Variants in CNTLN observed in about 807,000 individuals in gnomAD.
The protein encoded by CNTLN is centlein.
A neutral mutation model predicts 180.0 loss-of-function variants in CNTLN; 212 were observed. The ratio of observed to expected loss-of-function variants is 1.18; its 90% CI spans 1.05 to 1.32. CNTLN has a LOEUF of 1.32. Among genes scored for constraint, CNTLN ranks in the 40% most tolerant of loss-of-function variants. The probability of loss-of-function intolerance (pLI) is 0.00; values close to 1 mark genes in which losing one functional copy is unlikely to be tolerated. For synonymous variants in CNTLN, 722 were observed against 563.1 expected, an observed-to-expected ratio of 1.28 and a Z score of -3.99; for missense variants, 2,095 against 1,610.9, an observed-to-expected ratio of 1.30 and a Z score of -5.14.
intron 2 of CNTLN, among the ~76,000 whole-genome samples, chr9:17,180,835 A>ATTCTT (rs1201408016): frequency 6.6e-6 from 1 of 151,686 alleles, no homozygotes; most frequent in Non-Finnish European, 1.5e-5. Context: ...TTGTGCGTTG[A>ATTCTT]TTCTTTTCTT....
intron 18 of CNTLN, among the ~76,000 whole-genome samples, chr9:17,439,173 T>C (rs1177649995): frequency 6.6e-6 from 1 of 152,154 alleles, no homozygotes; most frequent in Non-Finnish European, 1.5e-5. Flanking sequence ...TAACTTAGGC[T>C]CAAAATAAAT....
At chr9:17,423,747 G>A (rs1013762247) in intron 18 of CNTLN, among the ~76,000 whole-genome samples, 2 of 152,096 alleles carry the variant, frequency 1.3e-5, no homozygotes, top group African/African-American at 4.8e-5. Flanking sequence ...CCTCTAGGGC[G>A]GGGATAGTTT....
intron 22 of CNTLN, among the ~76,000 whole-genome samples, 163 bp from the exon 23 acceptor site, chr9:17,466,543 A>G (rs2134212011): frequency 6.6e-6 from 1 of 151,728 alleles, no homozygotes; most frequent in Admixed American, 6.6e-5. Flanking sequence ...ATATGTACTT[A>G]GGATGTTTTA....
intron 3 of CNTLN, among the ~76,000 whole-genome samples, chr9:17,234,764 A>G (rs1029338882): frequency 4.6e-5 from 7 of 152,178 alleles, no homozygotes; most frequent in Admixed American, 3.9e-4. Flanking sequence ...GAGGCTTCCA[A>G]TAATTGTGTG....
At chr9:17,288,930 A>G (rs1829176102) in intron 6 of CNTLN, among the ~76,000 whole-genome samples, 1 of 115,126 alleles carries the variant, frequency 8.7e-6, no homozygotes. Context: ...TTTCCTGAAT[A>G]CAGCACACTG....
In CNTLN at chr9:17,502,897, A is replaced by G. The variant is rs1360783143; in HGVS notation, c.*245A>G. 1 of 216,342 alleles carries G rather than the reference A, an allele frequency of 4.6e-6. No individual in the cohort carries two copies. Among genetic ancestry groups the G allele is most frequent in the Non-Finnish European group, 9.0e-6 (1 of 111,030 alleles). The allele number at this position is 216,342 out of a possible 1,614,324, so 13.4% of individuals were successfully genotyped here. A position where few individuals can be genotyped will look rare whatever the true frequency, so the allele number is the denominator to read the frequency against. ...ACAAATATTGCCACAAATCAGTGCA[A>G]ACTTAAAAATGATTTTCCTTCTAGT... On this transcript the variant is annotated 3_prime_UTR_variant, in exon 26 of 26. Transcript: ENST00000380647.
In CNTLN at chr9:17,238,442, A is replaced by G. The variant is rs577734724; in HGVS notation, c.849+1854A>G. Among the ~76,000 whole-genome samples, 7 of 152,304 alleles carry G rather than the reference A, an allele frequency of 4.6e-5. No homozygotes were observed. The South Asian group carries it at 1.5e-3, about 32-fold the overall frequency. ...CTTTCTCCCATGAAGCATGGTCATA[A>G]AAGAATTCTCATAGCTACCTTCCTG... On this transcript the variant is annotated intron_variant, in intron 5 of 25. Coordinates refer to ENST00000380647, the MANE Select transcript of CNTLN (RefSeq NM_017738.4).
intron 2 of CNTLN, among the ~76,000 whole-genome samples, chr9:17,202,790 A>G (rs1822640956): frequency 1.3e-5 from 2 of 151,056 alleles, no homozygotes; most frequent in Admixed American, 6.6e-5. Flanking sequence ...ACTCTAACCA[A>G]TTTCCCAGTC....
intron 2 of CNTLN, 43 bp downstream of exon 2, chr9:17,143,419 AGTTT>A (rs762731910): frequency 7.2e-7 from 1 of 1,389,312 alleles, no homozygotes; most frequent in South Asian, 1.2e-5. Context: ...TGGTGTGTTG[AGTTT>A]GTTTCTCTTC....
chr9:17,139,819 C>T (rs1051885362), intron 1 of CNTLN, among the ~76,000 whole-genome samples: 2 of 152,082 alleles, frequency 1.3e-5, no homozygotes, highest in African/African-American at 4.8e-5. Context: ...ATCCACCCAC[C>T]TCAGCCTCCA....
intron 12 of CNTLN, among the ~76,000 whole-genome samples, chr9:17,353,943 C>T (rs1273104759): frequency 1.3e-5 from 2 of 152,158 alleles, no homozygotes; most frequent in African/African-American, 2.4e-5. Flanking sequence ...GAGGGAGAGG[C>T]GTGAGCGGGA....
chr9:17,271,099 C>T (rs933407684), intron 5 of CNTLN, among the ~76,000 whole-genome samples: 3 of 151,708 alleles, frequency 2.0e-5, no homozygotes, highest in Admixed American at 6.6e-5. Context: ...TACAGGCACC[C>T]GCCACCACGC....
chr9:17,296,312 C>A (rs1044404295), intron 6 of CNTLN, among the ~76,000 whole-genome samples: 7 of 151,944 alleles, frequency 4.6e-5, no homozygotes, highest in Admixed American at 6.6e-5. Context: ...GCCATCGCAC[C>A]CTGCCTAGTG....
Position 17,440,571 on chromosome 9 carries a change from G to A in CNTLN, c.3115-16953G>A, listed in dbSNP as rs1187270390. 1.6e-4 allele frequency among the ~76,000 whole-genome samples: 22 copies of A among 136,658 alleles called. No homozygotes were observed. In the East Asian group the frequency reaches 5.1e-3, roughly 32 times the overall value. The allele number at this position is 136,658 out of a possible 152,430, so 89.7% of individuals were successfully genotyped here. On this transcript the variant is annotated intron_variant, in intron 18 of 25. Transcript: ENST00000380647. ...ACCACTGAACTCCAGCCTGGGCGAC[G>A]GAGCGAGACTCCGTCTCAAAAAAAA...
At chr9:17,283,573 T>A (rs1311192123) in intron 6 of CNTLN, among the ~76,000 whole-genome samples, 1 of 152,166 alleles carries the variant, frequency 6.6e-6, no homozygotes, top group Non-Finnish European at 1.5e-5. Context: ...CTCTTCCCAT[T>A]TGAATACCCT....
chr9:17,138,491 T>C (rs1817870158), intron 1 of CNTLN, among the ~76,000 whole-genome samples: 1 of 152,232 alleles, frequency 6.6e-6, no homozygotes, highest in African/African-American at 2.4e-5. Context: ...CAGCCAGTTA[T>C]ATTTTATGTT....
chr9:17,466,955 T>C, intron 23 of CNTLN, 64 bp downstream of exon 23: 1 of 1,145,840 alleles, frequency 8.7e-7, no homozygotes, highest in Non-Finnish European at 1.2e-6. Flanking sequence ...GTAGCCTACT[T>C]GAGATGATTT....
the CNTLN span, among the ~76,000 whole-genome samples, chr9:17,510,145 C>G: frequency 3.7e-4 from 56 of 152,138 alleles, no homozygotes; most frequent in African/African-American, 1.3e-3. Context: ...GCTAATGGCC[C>G]AGACACTTCA....
chr9:17,167,636 G>GT (rs1454949860), intron 2 of CNTLN: 15 of 152,178 alleles, frequency 9.9e-5, no homozygotes, highest in African/African-American at 3.6e-4. Context: ...ATTCTACAAT[G>GT]AGGTATAGCA....
Sources: gnomAD v4.1 joint callset for allele counts (sites outside exome capture counted in the v4.1 genomes callset) on GRCh38, gnomAD v4.1.1 for gene constraint, MANE v1.5 for transcripts, NCBI Gene and HGNC (gene_info 2026-07-23, HGNC 2026-07-21) for gene names.